The following NRG3 variants were observed in gnomAD, a reference collection of about 807,000 sequenced individuals.
The protein encoded by NRG3 is pro-neuregulin-3, membrane-bound isoform.
Under a neutral mutation model 66.9 loss-of-function variants are expected in NRG3, and 31 were observed. That is an observed-to-expected ratio of 0.46 (90% CI 0.35 to 0.63). The LOEUF is 0.63. Ranked by LOEUF, NRG3 falls within the 20% of genes least tolerant of loss-of-function variation. The pLI, the probability that NRG3 is intolerant of heterozygous loss-of-function variation, is 0.00. For synonymous variants in NRG3, 393 were observed against 359.4 expected, an observed-to-expected ratio of 1.09 and a Z score of -1.06; for missense variants, 910 against 878.9, an observed-to-expected ratio of 1.04 and a Z score of -0.45.
chr10:82,245,242 A>G (rs1026828830), intron 1 of NRG3, among the ~76,000 whole-genome samples: 1 of 152,158 alleles, frequency 6.6e-6, no homozygotes, highest in South Asian at 2.1e-4. Flanking sequence ...GATCCCTCGC[A>G]TGTGTAGTTC....
chr10:81,929,683 T>A (rs1847153929), intron 1 of NRG3, among the ~76,000 whole-genome samples: 1 of 152,144 alleles, frequency 6.6e-6, no homozygotes, highest in Non-Finnish European at 1.5e-5. Context: ...AGCTCCAGGC[T>A]CCAAAAACTC....
intron 2 of NRG3, among the ~76,000 whole-genome samples, chr10:82,459,200 AC>A (rs1372484275): frequency 6.6e-6 from 1 of 151,580 alleles, no homozygotes; most frequent in Non-Finnish European, 1.5e-5. Context: ...ATCTTCCATC[AC>A]CCTGTTTGGT....
At chr10:82,432,677 AAGG>A (rs2089899909) in intron 2 of NRG3, among the ~76,000 whole-genome samples, 1 of 151,940 alleles carries the variant, frequency 6.6e-6, no homozygotes, top group South Asian at 2.1e-4. Context: ...ATGTGTTCTC[AAGG>A]TTCAACTCTC....
rs1017488245 is a variant in NRG3, at chr10:82,183,918, A to G, written c.824-174821A>G. ...TAAGGGCTGAGGTTCCTTCTTTTCT[A>G]GTTGTCGTGTTGTTTCCCAAGGAGT... is the stretch of plus-strand genomic sequence containing the variant. On this transcript the variant is annotated intron_variant, in intron 1 of 8. Transcript: ENST00000372141. 1.8e-4 allele frequency among the ~76,000 whole-genome samples: 27 copies of G among 152,224 alleles called. 1 individual carries two copies. The highest frequency in any genetic ancestry group is 2.1e-4 in the South Asian group (1 of 4,828).
intron 2 of NRG3, among the ~76,000 whole-genome samples, chr10:82,446,770 C>T (rs2136513505): frequency 6.6e-6 from 1 of 152,248 alleles, no homozygotes; most frequent in South Asian, 2.1e-4. Context: ...CCTGCACATC[C>T]TGCGCAAGTA....
At chr10:82,552,307 T>C (rs1008485264) in intron 2 of NRG3, among the ~76,000 whole-genome samples, 1 of 152,194 alleles carries the variant, frequency 6.6e-6, no homozygotes, top group Non-Finnish European at 1.5e-5. Flanking sequence ...ATGATTTTTT[T>C]CCTATCATCT....
At chr10:82,355,497 G>A (rs2083716847) in intron 1 of NRG3, among the ~76,000 whole-genome samples, 1 of 152,090 alleles carries the variant, frequency 6.6e-6, no homozygotes, top group Non-Finnish European at 1.5e-5. Context: ...AAATGTAGGA[G>A]GATATCATCC....
At chr10:82,679,116 G>A (rs1157135897) in intron 2 of NRG3, among the ~76,000 whole-genome samples, 2 of 152,204 alleles carry the variant, frequency 1.3e-5, no homozygotes, top group Non-Finnish European at 2.9e-5. Context: ...AAGGAGAACT[G>A]AAAGGACTTG....
intron 4 of NRG3, among the ~76,000 whole-genome samples, chr10:82,876,328 T>A (rs1469975535): frequency 6.6e-6 from 1 of 151,662 alleles, no homozygotes; most frequent in Non-Finnish European, 1.5e-5. Context: ...TGGTGAAACA[T>A]TAATTATGTA....
intron 2 of NRG3, among the ~76,000 whole-genome samples, chr10:82,381,159 G>C (rs373867116): frequency 2.0e-5 from 3 of 152,160 alleles, no homozygotes; most frequent in African/African-American, 7.2e-5. Context: ...TGTTTTGGGG[G>C]AAGGAAGAAG....
chr10:82,609,848 T>C (rs554141055), intron 2 of NRG3, among the ~76,000 whole-genome samples: 9 of 152,328 alleles, frequency 5.9e-5, no homozygotes, highest in African/African-American at 1.9e-4. Context: ...GTTTTCCATT[T>C]ATATCACAAC....
intron 2 of NRG3, among the ~76,000 whole-genome samples, chr10:82,636,300 G>T (rs1255971938): frequency 6.6e-6 from 1 of 151,560 alleles, no homozygotes; most frequent in African/African-American, 2.4e-5. Flanking sequence ...GCATTCCTTA[G>T]TTCTGTCAGG....
intron 4 of NRG3, among the ~76,000 whole-genome samples, chr10:82,946,414 C>T (rs1391480117): frequency 3.3e-5 from 5 of 151,880 alleles, no homozygotes; most frequent in African/African-American, 1.2e-4. Context: ...TGGCACGCAC[C>T]TGTAGTCCCA....
In NRG3 at chr10:82,984,481, G is replaced by A. The variant is rs554196765; in HGVS notation, c.1584-617G>A. The stretch of plus-strand genomic sequence containing the variant: ...GAATTGTTAGCCTCCCATTCCCACC[G>A]GCTGGCTCAGCAATCTGGCAGTGAG... On this transcript the variant is annotated intron_variant, in intron 8 of 8. Coordinates refer to ENST00000372141, the MANE Select transcript of NRG3 (RefSeq NM_001010848.4). Among the ~76,000 whole-genome samples, 10 of 152,260 alleles carry A rather than the reference G, an allele frequency of 6.6e-5. 1 individual carries two copies. Among genetic ancestry groups the A allele is most frequent in the South Asian group, 4.1e-4 (2 of 4,824 alleles).
At chr10:82,903,456 G>A (rs1417331037) in intron 4 of NRG3, among the ~76,000 whole-genome samples, 1 of 152,138 alleles carries the variant, frequency 6.6e-6, no homozygotes, top group Non-Finnish European at 1.5e-5. Context: ...GATGCTGGAA[G>A]TGCTCCCAAG....
intron 2 of NRG3, among the ~76,000 whole-genome samples, chr10:82,650,433 CA>C (rs200797413): frequency 1.3e-5 from 2 of 150,154 alleles, no homozygotes; most frequent in African/African-American, 2.4e-5. Flanking sequence ...GAAACAAAAA[CA>C]AAAAAAAACA....
At chr10:81,950,884 T>C (rs1849288509) in intron 1 of NRG3, among the ~76,000 whole-genome samples, 1 of 152,212 alleles carries the variant, frequency 6.6e-6, no homozygotes, top group African/African-American at 2.4e-5. Context: ...GAATACATAT[T>C]ATTAGTCAAT....
At chr10:82,913,546 G>A (rs1018575325) in intron 4 of NRG3, among the ~76,000 whole-genome samples, 1 of 152,090 alleles carries the variant, frequency 6.6e-6, no homozygotes, top group African/African-American at 2.4e-5. Context: ...TACTTTTGTA[G>A]ATTAAATTTC....
chr10:82,117,184 C>A (rs2067779998), intron 1 of NRG3, among the ~76,000 whole-genome samples: 1 of 152,100 alleles, frequency 6.6e-6, no homozygotes, highest in Non-Finnish European at 1.5e-5. Flanking sequence ...GGAAATAGTT[C>A]CTCCCTACAT....
Sources: allele counts gnomAD v4.1 joint callset (sites outside exome capture counted in the v4.1 genomes callset), GRCh38; gene constraint gnomAD v4.1.1; transcripts MANE v1.5; gene names NCBI Gene and HGNC (gene_info 2026-07-23, HGNC 2026-07-21).